The following DYM variants were observed in gnomAD, a reference collection of about 807,000 sequenced individuals.
DYM encodes dymeclin, also known as dyggve-Melchior-Clausen syndrome protein.
In DYM, 78 loss-of-function variants were observed where a neutral mutation model predicts 93.1. That is an observed-to-expected ratio of 0.84 (90% CI 0.70 to 1.01). DYM has a LOEUF of 1.01. Ranked by LOEUF, DYM falls within the 50% of genes least tolerant of loss-of-function variation. DYM has a pLI of 0.00. For missense variants in DYM, 789 were observed against 845.0 expected, an observed-to-expected ratio of 0.93 and a Z score of 0.82; for synonymous variants, 321 against 319.7, an observed-to-expected ratio of 1.00 and a Z score of -0.04.
intron 15 of DYM, among the ~76,000 whole-genome samples, chr18:49,138,966 T>G (rs1427999438): frequency 6.6e-6 from 1 of 152,174 alleles, no homozygotes; most frequent in Non-Finnish European, 1.5e-5. Flanking sequence ...GCATAATTTA[T>G]TAGCAGTTAT....
At chr18:49,424,575 G>A (rs1489015193) in intron 2 of DYM, among the ~76,000 whole-genome samples, 1 of 152,076 alleles carries the variant, frequency 6.6e-6, no homozygotes, top group African/African-American at 2.4e-5. Flanking sequence ...AGAAATAAAG[G>A]ATATTCAATT....
At chr18:49,250,805 G>A (rs950334246) in intron 13 of DYM, among the ~76,000 whole-genome samples, 2 of 152,200 alleles carry the variant, frequency 1.3e-5, no homozygotes, top group Non-Finnish European at 2.9e-5. Context: ...TAGATTCAGC[G>A]ATATAGCTGT....
At chr18:49,284,949 T>C (rs1336602648) in intron 9 of DYM, among the ~76,000 whole-genome samples, 1 of 152,156 alleles carries the variant, frequency 6.6e-6, no homozygotes, top group African/African-American at 2.4e-5. Context: ...TAAGGGCCCA[T>C]CTCTCATCAA....
intron 16 of DYM, among the ~76,000 whole-genome samples, chr18:49,106,236 C>A (rs888171346): frequency 1.3e-5 from 2 of 151,868 alleles, no homozygotes; most frequent in African/African-American, 4.8e-5. Context: ...GCAACCCCTG[C>A]CTTTTGTTTT....
intron 17 of DYM, among the ~76,000 whole-genome samples, chr18:49,069,968 G>T (rs944578189): frequency 4.6e-5 from 7 of 152,228 alleles, no homozygotes; most frequent in African/African-American, 1.7e-4. Context: ...CTGAACCCGG[G>T]GGGTGCAGGT....
At chr18:49,457,949 T>C (rs2083141368) in intron 1 of DYM, among the ~76,000 whole-genome samples, 1 of 152,290 alleles carries the variant, frequency 6.6e-6, no homozygotes, top group Non-Finnish European at 1.5e-5. Flanking sequence ...TGGCAGCCTC[T>C]AGAAGCTGGA....
chr18:49,422,831 C>T (rs2073869825), intron 2 of DYM, among the ~76,000 whole-genome samples: 1 of 152,140 alleles, frequency 6.6e-6, no homozygotes, highest in African/African-American at 2.4e-5. Context: ...GGGATCAATT[C>T]AACAAGAAAA....
chr18:49,151,805 G>C (rs1392424917), intron 15 of DYM, among the ~76,000 whole-genome samples: 1 of 152,110 alleles, frequency 6.6e-6, no homozygotes, highest in African/African-American at 2.4e-5. Context: ...TTCCTATTGG[G>C]AACTATGAAC....
rs953523974 is a variant in DYM, at chr18:49,212,505, A to AT, written c.1461-2791dup. Among the ~76,000 whole-genome samples, 156 of 147,602 alleles carry AT rather than the reference A, an allele frequency of 1.1e-3. 1 individual carries two copies. The East Asian group carries it at 0.011, about 10-fold the overall frequency. On this transcript the variant is annotated intron_variant, in intron 13 of 17. Coordinates refer to ENST00000675505, the MANE Select transcript of DYM (RefSeq NM_001353214.3). ...ATTTGCACTATTTTTGGTAAAACTA[A>AT]TTTTTTTTTTTTGAGACAGTCTCAT...
chr18:49,246,079 A>T (rs1462152950), intron 13 of DYM, among the ~76,000 whole-genome samples: 1 of 152,224 alleles, frequency 6.6e-6, no homozygotes, highest in African/African-American at 2.4e-5. Context: ...GTAAAGGAGG[A>T]AACTGAAGGA....
rs986790880 is a variant in DYM, at chr18:49,459,918, C to T, written c.-54+480G>A. 9.0e-5 allele frequency among the ~76,000 whole-genome samples: 12 copies of T among 133,728 alleles called. No homozygotes were observed. In the East Asian group the frequency reaches 2.2e-3, roughly 25 times the overall value. The allele number at this position is 133,728 out of a possible 152,430, so 87.7% of individuals were successfully genotyped here. A position where few individuals can be genotyped will look rare whatever the true frequency, so the allele number is the denominator to read the frequency against. ...CTAATGGGTACGAGCTTCTTTGGGG[C>T]GGGGGGGGCGGTGATTAAAAATGCT... On this transcript the variant is annotated intron_variant, in intron 1 of 17. Coordinates refer to ENST00000675505, the MANE Select transcript of DYM (RefSeq NM_001353214.3).
chr18:49,367,114 C>T (rs1458371004), intron 5 of DYM, among the ~76,000 whole-genome samples: 1 of 152,142 alleles, frequency 6.6e-6, no homozygotes, highest in African/African-American at 2.4e-5. Flanking sequence ...ATCTGAAGTA[C>T]TACATATTAG....
At chr18:49,339,521 A>G (rs2063930390) in intron 6 of DYM, among the ~76,000 whole-genome samples, 1 of 152,148 alleles carries the variant, frequency 6.6e-6, no homozygotes, top group Non-Finnish European at 1.5e-5. Context: ...TCTACACGGC[A>G]AAGAACTAAG....
intron 1 of DYM, among the ~76,000 whole-genome samples, chr18:49,452,520 G>C (rs1161774291): frequency 6.6e-6 from 1 of 152,144 alleles, no homozygotes; most frequent in Non-Finnish European, 1.5e-5. Flanking sequence ...GATTCTCCAA[G>C]TCCCCACCAG....
At chr18:49,387,354 G>A (rs1001637995) in intron 3 of DYM, among the ~76,000 whole-genome samples, 2 of 152,054 alleles carry the variant, frequency 1.3e-5, no homozygotes, top group Admixed American at 6.5e-5. Context: ...TCGGCTCACC[G>A]CAACCTCTGC....
intron 1 of DYM, among the ~76,000 whole-genome samples, chr18:49,450,631 G>T (rs1404227243): frequency 6.6e-6 from 1 of 152,148 alleles, no homozygotes; most frequent in Non-Finnish European, 1.5e-5. Flanking sequence ...GAGGTAAACA[G>T]GATTATCTGA....
At chr18:49,416,083 ATTTCTGCTGCTTAT>A (rs1324353559) in intron 2 of DYM, among the ~76,000 whole-genome samples, 1 of 152,132 alleles carries the variant, frequency 6.6e-6, no homozygotes, top group African/African-American at 2.4e-5. Flanking sequence ...AATTGGTTAA[ATTTCTGCTGCTTAT>A]TTTCATTCCT....
At chr18:49,289,332 CAAGT>C (rs1402900279) in intron 8 of DYM, among the ~76,000 whole-genome samples, 4 of 95,970 alleles carry the variant, frequency 4.2e-5, no homozygotes, top group African/African-American at 1.6e-4. Flanking sequence ...ATCACAAAGA[CAAGT>C]AACATATGAA....
intron 8 of DYM, among the ~76,000 whole-genome samples, chr18:49,295,721 G>T (rs956766248): frequency 2.0e-5 from 3 of 151,874 alleles, no homozygotes; most frequent in South Asian, 2.1e-4. Flanking sequence ...AACTAATGCA[G>T]GTATGTATTA....
Sources: allele counts gnomAD v4.1 joint callset (sites outside exome capture counted in the v4.1 genomes callset), GRCh38; gene constraint gnomAD v4.1.1; transcripts MANE v1.5; gene names NCBI Gene and HGNC (gene_info 2026-07-23, HGNC 2026-07-21).